The following ZFC3H1 variants were observed in gnomAD, a reference collection of about 807,000 sequenced individuals.
ZFC3H1 encodes zinc finger C3H1-type containing.
A neutral mutation model predicts 243.7 loss-of-function variants in ZFC3H1; 71 were observed. That is an observed-to-expected ratio of 0.29 (90% confidence interval 0.24 to 0.36). ZFC3H1 has a LOEUF of 0.36. Ranked by LOEUF, ZFC3H1 falls within the 10% of genes least tolerant of loss-of-function variation. The probability of loss-of-function intolerance (pLI) is 1.00; values close to 1 mark genes in which losing one functional copy is unlikely to be tolerated. For synonymous variants in ZFC3H1, 838 were observed against 813.0 expected (o/e 1.03, Z -0.52); for missense variants, 1,966 against 2,317.1 (o/e 0.85, Z 3.11).
chr12:71,628,367 A>G (rs1410735737), intron 20 of ZFC3H1, among the ~76,000 whole-genome samples: 1 of 152,260 alleles, frequency 6.6e-6, no homozygotes, highest in Non-Finnish European at 1.5e-5. Context: ...GTTAGTGTAA[A>G]TAAGTACATA....
rs1403281303 is a variant in ZFC3H1 at position 71,663,675 on chromosome 12, C to T, written c.-65G>A. On this transcript the variant is annotated 5_prime_UTR_variant, in exon 1 of 35. Coordinates refer to ENST00000378743, the MANE Select transcript of ZFC3H1 (RefSeq NM_144982.5). ...CCGGGGATCCGCCCGACAATTGCCT[C>T]GTTTCCCTTCTTTCCTAACGGACTG... 8 of 1,539,284 alleles carry T rather than the reference C, an allele frequency of 5.2e-6. No homozygotes were observed. In the Admixed American group the frequency reaches 1.2e-4, roughly 24 times the overall value.
chr12:71,627,874 T>G lies in ZFC3H1; in HGVS notation c.4007A>C (p.Asp1336Ala). 2 of 1,613,672 alleles carry G rather than the reference T, an allele frequency of 1.2e-6. No homozygotes were observed. The highest frequency in any genetic ancestry group is 1.7e-6 in the Non-Finnish European group (2 of 1,179,858). The change falls in exon 21 of 35, where the codon GAT (aspartate) becomes GCT (alanine). Residue 1336 changes from aspartate to alanine, a missense_variant. Transcript: ENST00000378743. ...PALDTVVTPDDVRYFTNETDD... is the reference protein window; with the variant it reads ...PALDTVVTPDAVRYFTNETDD... Reference sequence around the variant, plus strand: ...AGTCTCATTTGTAAAGTATCTGACATCATCTGGAGTGACAACTGTATCCAG... The same window carrying G: ...AGTCTCATTTGTAAAGTATCTGACAGCATCTGGAGTGACAACTGTATCCAG...
intron 1 of ZFC3H1, 108 bp downstream of exon 1, chr12:71,662,905 A>C: frequency 9.0e-7 from 1 of 1,106,072 alleles, no homozygotes; most frequent in Non-Finnish European, 1.3e-6. Flanking sequence ...CACAGGGAGA[A>C]ATAAGCGGTT....
rs756458593 is a variant in ZFC3H1 at position 71,636,470 on chromosome 12, C to T, written c.2100+20G>A. The stretch of plus-strand genomic sequence containing the variant: ...ATCATAACTGTTTGAATAAAAGTAG[C>T]ATTAAATTTTTGTTTTTACCGAGAT... On this transcript the variant is annotated intron_variant, in intron 9 of 34. Transcript: ENST00000378743. The T allele has an allele frequency of 1.9e-6, 3 of 1,589,226 alleles. No individual in the cohort carries two copies. In the Admixed American group the frequency reaches 5.4e-5, roughly 29 times the overall value.
intron 16 of ZFC3H1, 82 bp downstream of exon 16, chr12:71,631,696 T>G (rs991270772): frequency 2.2e-5 from 27 of 1,223,396 alleles, no homozygotes; most frequent in Non-Finnish European, 2.7e-5. Context: ...TGCTTTTTCA[T>G]TATCATCAAA....
At chr12:71,643,833 T>A (rs1487849835) in intron 5 of ZFC3H1, among the ~76,000 whole-genome samples, 1 of 152,228 alleles carries the variant, frequency 6.6e-6, no homozygotes, top group Admixed American at 6.5e-5. Context: ...GAATAAGTTT[T>A]CACCACAATT....
In ZFC3H1 at chr12:71,632,094, G is replaced by C. The variant is rs753697759; in HGVS notation, c.3238C>G (p.Pro1080Ala). 29 of 1,611,308 alleles carry C rather than the reference G, an allele frequency of 1.8e-5. No homozygotes were observed. The highest frequency in any genetic ancestry group is 2.3e-5 in the Non-Finnish European group (27 of 1,179,228). ...ATTTTTAACCCTAGAAAAAGTTCTG[G>C]TTTTTCTACAGTATTTTTATTAAGT... ...NKLNKNTVEK[P>A]ELFLGLKIGE... The change falls in exon 15 of 35, where the codon CCA becomes GCA. Residue 1080 changes from proline (P) to alanine (A), a missense_variant. By Grantham distance (27) the Pro-to-Ala change is conservative (BLOSUM62 -1). Coordinates refer to ENST00000378743, the MANE Select transcript of ZFC3H1 (RefSeq NM_144982.5).
At chr12:71,640,840 T>C (rs548168667) in intron 6 of ZFC3H1, among the ~76,000 whole-genome samples, 1 of 152,236 alleles carries the variant, frequency 6.6e-6, no homozygotes, top group South Asian at 2.1e-4. Context: ...TAAACTAGTT[T>C]TTTACCGTAT....
At chr12:71,615,169 C>T (rs2137514743) in intron 28 of ZFC3H1, 37 bp downstream of exon 28, 3 of 1,469,900 alleles carry the variant, frequency 2.0e-6, no homozygotes, top group Non-Finnish European at 1.9e-6. Context: ...CAAATGCAGG[C>T]CTAGTATGCA....
intron 4 of ZFC3H1, 55 bp from the exon 5 acceptor site, chr12:71,644,373 AAG>A (rs1402810925): frequency 1.9e-5 from 29 of 1,534,646 alleles, no homozygotes; most frequent in Non-Finnish European, 2.5e-5. Flanking sequence ...AAAGAAAAAT[AAG>A]AGTCTTAAAA....
intron 21 of ZFC3H1, among the ~76,000 whole-genome samples, chr12:71,627,123 G>T (rs1392819618): frequency 1.1e-5 from 1 of 94,976 alleles, no homozygotes. Flanking sequence ...TCAAAGAAAC[G>T]TGTAAAAAAA....
chr12:71,625,103 G>A (rs1880130035), intron 22 of ZFC3H1, among the ~76,000 whole-genome samples: 1 of 152,040 alleles, frequency 6.6e-6, no homozygotes, highest in Admixed American at 6.5e-5. Context: ...ATTCACTTAG[G>A]TACAATGCTC....
intron 2 of ZFC3H1, among the ~76,000 whole-genome samples, chr12:71,653,681 T>C (rs1880945502): frequency 6.6e-6 from 1 of 152,224 alleles, no homozygotes; most frequent in Non-Finnish European, 1.5e-5. Context: ...TAGATGAGTT[T>C]TGAAAATCAA....
intron 1 of ZFC3H1, among the ~76,000 whole-genome samples, chr12:71,659,854 T>C (rs966011590): frequency 5.3e-5 from 8 of 152,200 alleles, no homozygotes; most frequent in Non-Finnish European, 1.2e-4. Context: ...GGAATGACTT[T>C]TTACTGATGA....
chr12:71,620,279 A>C lies in ZFC3H1; in HGVS notation c.4781T>G (p.Val1594Gly). The part of the protein sequence containing the change: ...VKACTDESLA[V>G]EERIEACLPL... Reference sequence around the variant, plus strand: ...AAGGCAGGCCTCTATTCTTTCCTCAACAGCAAGGCTCTCATCTGTGCAAGC... The same window carrying C: ...AAGGCAGGCCTCTATTCTTTCCTCACCAGCAAGGCTCTCATCTGTGCAAGC... Residue 1594 changes from valine (V) to glycine (G), a missense_variant, in exon 25 of 35, where the codon GTT (valine) becomes GGT (glycine). Around this residue, in one of 4 missense-constraint regions of ZFC3H1, gnomAD observed 1,383 missense variants for 1,723.7 expected, o/e 0.80. Transcript: ENST00000378743. 1.9e-6 allele frequency: 3 copies of C among 1,614,192 alleles called. No individual in the cohort carries two copies. Among genetic ancestry groups the C allele is most frequent in the Non-Finnish European group, 2.5e-6 (3 of 1,180,038 alleles).
chr12:71,619,854 C>G (rs1032679822), intron 26 of ZFC3H1, 72 bp downstream of exon 26: 1 of 1,398,856 alleles, frequency 7.1e-7, no homozygotes, highest in Non-Finnish European at 9.8e-7. Flanking sequence ...CCAGGAAACA[C>G]TTCCTGGTGA....
Position 71,614,718 on chromosome 12 carries a change from T to C in ZFC3H1, c.5361-18A>G. On this transcript the variant is annotated intron_variant, in intron 29 of 34. Coordinates refer to ENST00000378743, the MANE Select transcript of ZFC3H1 (RefSeq NM_144982.5). ...CAAGATAACTGCCAAAAGAAAAATA[T>C]TATAATTTAGAATAACTAAGACAGT... 2.5e-6 allele frequency: 4 copies of C among 1,598,900 alleles called. No homozygotes were observed. The highest frequency in any genetic ancestry group is 1.7e-6 in the Non-Finnish European group (2 of 1,174,644).
chr12:71,621,103 T>C (rs1880013518), intron 24 of ZFC3H1, among the ~76,000 whole-genome samples: 1 of 152,242 alleles, frequency 6.6e-6, no homozygotes, highest in African/African-American at 2.4e-5. Flanking sequence ...TTAATGACTC[T>C]ACTCTCCCTT....
At chr12:71,617,138 T>C (rs984855955) in intron 27 of ZFC3H1, among the ~76,000 whole-genome samples, 1 of 152,204 alleles carries the variant, frequency 6.6e-6, no homozygotes, top group Admixed American at 6.5e-5. Context: ...TTTCTACTCA[T>C]GAAATTTTAA....
Sources: allele counts gnomAD v4.1 joint callset (sites outside exome capture counted in the v4.1 genomes callset), GRCh38; gene constraint gnomAD v4.1.1; regional missense constraint gnomAD v4.1.1; transcripts MANE v1.5; gene names NCBI Gene and HGNC (gene_info 2026-07-23, HGNC 2026-07-21).